CFAP299: variants seen among roughly 807,000 people sequenced by gnomAD.
CFAP299 encodes the protein cilia- and flagella-associated protein 299.
In CFAP299, 21 loss-of-function variants were observed where a neutral mutation model predicts 27.0. That is an observed-to-expected ratio of 0.78 (90% CI 0.55 to 1.12). The LOEUF is 1.12. CFAP299 is among the 50% of genes most tolerant of loss of function. The pLI is 0.00. For synonymous variants in CFAP299, 104 were observed against 98.1 expected (o/e 1.06, Z -0.36); for missense variants, 310 against 276.6 (o/e 1.12, Z -0.86).
intron 2 of CFAP299, among the ~76,000 whole-genome samples, chr4:80,397,111 G>A (rs551425705): frequency 6.6e-6 from 1 of 152,034 alleles, no homozygotes; most frequent in Non-Finnish European, 1.5e-5. Flanking sequence ...AGTCTTGGGA[G>A]GGTGTATGTG....
intron 1 of CFAP299, among the ~76,000 whole-genome samples, chr4:80,337,465 T>G (rs1399588899): frequency 1.3e-5 from 2 of 151,812 alleles, no homozygotes; most frequent in Non-Finnish European, 2.9e-5. Flanking sequence ...TGGCCCCATC[T>G]CGGCTCACTG....
intron 3 of CFAP299, among the ~76,000 whole-genome samples, chr4:80,860,077 T>A (rs1380397396): frequency 2.6e-5 from 4 of 152,242 alleles, no homozygotes; most frequent in Non-Finnish European, 4.4e-5. Flanking sequence ...TCTTTTCACA[T>A]TGTCCCATAT....
chr4:80,592,618 A>G (rs992645418), intron 3 of CFAP299, among the ~76,000 whole-genome samples: 10 of 152,222 alleles, frequency 6.6e-5, no homozygotes, highest in East Asian at 1.9e-4. Flanking sequence ...TGAGTGTGCT[A>G]TAATAAATAA....
chr4:80,565,465 A>G lies in CFAP299; in HGVS notation c.243-17628A>G, dbSNP rs183768668. Among the ~76,000 whole-genome samples, 176 of 152,214 alleles carry G rather than the reference A, an allele frequency of 1.2e-3. 1 individual carries two copies. Among genetic ancestry groups the G allele is most frequent in the African/African-American group, 4.0e-3 (168 of 41,574 alleles). Reference sequence around the variant, plus strand: ...TAATTCTTTTTTTAAAAAACGATCTATGTAGAAGGAAGGGAATAAAAGGGT... The same window carrying G: ...TAATTCTTTTTTTAAAAAACGATCTGTGTAGAAGGAAGGGAATAAAAGGGT... On this transcript the variant is annotated intron_variant, in intron 2 of 5. Transcript: ENST00000358105.
chr4:80,653,343 A>C (rs994731595), intron 3 of CFAP299, among the ~76,000 whole-genome samples: 1 of 151,956 alleles, frequency 6.6e-6, no homozygotes, highest in African/African-American at 2.4e-5. Flanking sequence ...CCTTTTCTCC[A>C]TCCCTCTGTT....
chr4:80,340,547 C>A (rs184106172), intron 1 of CFAP299, among the ~76,000 whole-genome samples: 1 of 152,334 alleles, frequency 6.6e-6, no homozygotes, highest in Admixed American at 6.5e-5. Flanking sequence ...ACCTCACAAG[C>A]TAAGACCCAC....
At chr4:80,360,420 A>G (rs910576084) in intron 1 of CFAP299, among the ~76,000 whole-genome samples, 1 of 152,184 alleles carries the variant, frequency 6.6e-6, no homozygotes, top group African/African-American at 2.4e-5. Flanking sequence ...AGGAGTCATG[A>G]TACTACTTTT....
chr4:80,375,847 C>T (rs188751008), intron 2 of CFAP299, among the ~76,000 whole-genome samples: 2 of 152,272 alleles, frequency 1.3e-5, no homozygotes, highest in African/African-American at 2.4e-5. Flanking sequence ...GTCATGAGCT[C>T]AATTGCTGAG....
Position 80,437,180 on chromosome 4 carries a change from G to A in CFAP299, c.242+74296G>A, listed in dbSNP as rs948039189. Among the ~76,000 whole-genome samples the A allele has an allele frequency of 5.3e-5, 8 of 152,054 alleles. 1 individual carries two copies. Among genetic ancestry groups the A allele is most frequent in the Admixed American group, 4.6e-4 (7 of 15,278 alleles). On this transcript the variant is annotated intron_variant, in intron 2 of 5. Transcript: ENST00000358105. Reference sequence around the variant, plus strand: ...ATCATCTAGGTGAAAGGGAATTTGAGGCAATGTTTCTAAGGTGTTATTTGA... The same window carrying A: ...ATCATCTAGGTGAAAGGGAATTTGAAGCAATGTTTCTAAGGTGTTATTTGA...
chr4:80,721,927 A>G (rs995348166), intron 3 of CFAP299, among the ~76,000 whole-genome samples: 2 of 152,196 alleles, frequency 1.3e-5, no homozygotes, highest in African/African-American at 4.8e-5. Context: ...ACTTCAGCAT[A>G]CCTGCACTAT....
intron 2 of CFAP299, among the ~76,000 whole-genome samples, chr4:80,475,539 A>G (rs1395545591): frequency 2.0e-5 from 3 of 152,220 alleles, no homozygotes; most frequent in Non-Finnish European, 4.4e-5. Flanking sequence ...AGTGTCATTA[A>G]CTGACACTGG....
At chr4:80,655,621 A>G (rs1050458476) in intron 3 of CFAP299, among the ~76,000 whole-genome samples, 1 of 152,156 alleles carries the variant, frequency 6.6e-6, no homozygotes, top group African/African-American at 2.4e-5. Flanking sequence ...GGTACCAGAT[A>G]GGATTCCCAT....
intron 4 of CFAP299, among the ~76,000 whole-genome samples, chr4:80,936,234 T>C (rs950507511): frequency 6.6e-6 from 1 of 152,136 alleles, no homozygotes; most frequent in African/African-American, 2.4e-5. Flanking sequence ...AGCGTGCTGA[T>C]TCCTCAATGA....
chr4:80,618,835 A>G (rs1738431437), intron 3 of CFAP299, among the ~76,000 whole-genome samples: 2 of 152,088 alleles, frequency 1.3e-5, no homozygotes, highest in Admixed American at 6.6e-5. Context: ...ATATAATAAT[A>G]TCATAAATAA....
chr4:80,487,925 CCT>C (rs896812930), intron 2 of CFAP299, among the ~76,000 whole-genome samples: 12 of 152,144 alleles, frequency 7.9e-5, no homozygotes, highest in African/African-American at 2.9e-4. Flanking sequence ...GGTTCAGTAC[CCT>C]GTCTGTTTTC....
chr4:80,682,794 C>T (rs1397730899), intron 3 of CFAP299, among the ~76,000 whole-genome samples: 1 of 152,126 alleles, frequency 6.6e-6, no homozygotes, highest in Non-Finnish European at 1.5e-5. Context: ...CATTAGGCCT[C>T]CTTCCAGTCT....
intron 2 of CFAP299, among the ~76,000 whole-genome samples, chr4:80,476,092 T>A (rs1730261361): frequency 6.6e-6 from 1 of 151,908 alleles, no homozygotes; most frequent in Non-Finnish European, 1.5e-5. Context: ...TTGGTAAGAG[T>A]GAAAAAGGAG....
intron 3 of CFAP299, among the ~76,000 whole-genome samples, chr4:80,651,350 CT>C (rs1740276939): frequency 4.1e-5 from 6 of 145,170 alleles, no homozygotes; most frequent in African/African-American, 1.3e-4. Flanking sequence ...CTTCCTTCTT[CT>C]TTCTTTCTTC....
At chr4:80,423,553 C>G (rs943188605) in intron 2 of CFAP299, among the ~76,000 whole-genome samples, 2 of 152,286 alleles carry the variant, frequency 1.3e-5, no homozygotes, top group Admixed American at 6.5e-5. Flanking sequence ...CCCAGTGACT[C>G]CTGCTCTCTG....
Sources: gnomAD v4.1 joint callset for allele counts (sites outside exome capture counted in the v4.1 genomes callset) on GRCh38, gnomAD v4.1.1 for gene constraint, MANE v1.5 for transcripts, NCBI Gene and HGNC (gene_info 2026-07-23, HGNC 2026-07-21) for gene names.